Variants in ZBTB16 observed in about 807,000 individuals in gnomAD.
The protein encoded by ZBTB16 is zinc finger and BTB domain-containing protein 16.
A neutral mutation model predicts 56.8 loss-of-function variants in ZBTB16; 8 were observed. The observed-to-expected ratio is 0.14, with a 90% CI of 0.08 to 0.25. The LOEUF is 0.25. ZBTB16 is among the 10% of genes least tolerant of loss of function. The pLI is 1.00. For missense variants in ZBTB16, 625 were observed against 903.0 expected, an observed-to-expected ratio of 0.69 and a Z score of 3.95; for synonymous variants, 363 against 368.5, an observed-to-expected ratio of 0.98 and a Z score of 0.17.
At chr11:114,068,181 A>G (rs1939195181) in intron 2 of ZBTB16, among the ~76,000 whole-genome samples, 3 of 152,116 alleles carry the variant, frequency 2.0e-5, no homozygotes, top group Non-Finnish European at 2.9e-5. Context: ...TTTTAAGTCA[A>G]TAGGCCTGAG....
intron 2 of ZBTB16, among the ~76,000 whole-genome samples, chr11:114,109,711 G>A (rs1219035681): frequency 6.6e-6 from 1 of 152,120 alleles, no homozygotes; most frequent in Non-Finnish European, 1.5e-5. Context: ...GAGAGATTTA[G>A]GGATTGAACT....
chr11:114,064,677 A>G lies in ZBTB16; in HGVS notation c.1268+109A>G, dbSNP rs1939046509. ...GGGGCCTGGCTCCCCTGTCTTGGCAATTTGTGAAAAAACCAGAACACTTCT... is the reference window on the plus strand; with the variant it reads ...GGGGCCTGGCTCCCCTGTCTTGGCAGTTTGTGAAAAAACCAGAACACTTCT... On this transcript the variant is annotated intron_variant, in intron 2 of 6. Coordinates refer to ENST00000335953, the MANE Select transcript of ZBTB16 (RefSeq NM_006006.6). This position sits in a 1 kb window ranked among gnomAD's most constrained non-coding sequence, Gnocchi z 4.2. 2.1e-6 allele frequency: 3 copies of G among 1,419,350 alleles called. No individual in the cohort carries two copies. In the East Asian group the frequency reaches 7.4e-5, roughly 35 times the overall value. The allele number at this position is 1,419,350 out of a possible 1,614,324, so 87.9% of individuals were successfully genotyped here.
At position 114,244,623 on chromosome 11, in the gene ZBTB16, TTTTC is replaced by T. The variant is rs1234396809; in HGVS notation, c.1624+2294_1624+2297del. Among the ~76,000 whole-genome samples, 70 of 152,084 alleles carry T rather than the reference TTTTC, an allele frequency of 4.6e-4. 1 individual carries two copies. Among genetic ancestry groups the T allele is most frequent in the Admixed American group, 2.2e-3 (34 of 15,284 alleles). On this transcript the variant is annotated intron_variant, in intron 5 of 6. Transcript: ENST00000335953. ...TGGGGATACGTGTGTGTTGGTGACT[TTTTC>T]TTTCTTTTTTTTTTGTTGTTGTTTG...
At chr11:114,082,529 G>A (rs1050678829) in intron 2 of ZBTB16, among the ~76,000 whole-genome samples, 4 of 152,198 alleles carry the variant, frequency 2.6e-5, no homozygotes, top group Non-Finnish European at 4.4e-5. Flanking sequence ...GGAGAGTGAC[G>A]TGACTGGAGT....
Position 114,250,486 on chromosome 11 carries a change from C to T in ZBTB16, c.1953C>T (p.Gly651=), listed in dbSNP as rs751908427. ...CCTCCATGCAGAAGCACATGAAGGG[C>T]CACAAGCCCGAGGAGATCCCGCCCG... ...SLSSMQKHMK[G]HKPEEIPPDW... is the part of the protein sequence containing the mutation. Residue 651 remains glycine (G), a synonymous_variant, in exon 7 of 7, where the codon GGC becomes GGT. Transcript: ENST00000335953. The surrounding 1 kb of genome is among the most constrained non-coding windows in gnomAD (Gnocchi z 6.0). The T allele has an allele frequency of 1.7e-5, 28 of 1,614,152 alleles. No individual in the cohort carries two copies. The highest frequency in any genetic ancestry group is 2.7e-5 in the African/African-American group (2 of 75,036).
intron 2 of ZBTB16, among the ~76,000 whole-genome samples, chr11:114,155,538 C>T (rs1264327615): frequency 1.3e-5 from 2 of 152,132 alleles, no homozygotes; most frequent in Non-Finnish European, 2.9e-5. Context: ...CCTTGGTCTT[C>T]CCAGGGGTGA....
intron 4 of ZBTB16, among the ~76,000 whole-genome samples, chr11:114,207,590 A>AAGACACAC (rs1555155512): frequency 2.1e-5 from 3 of 143,722 alleles, no homozygotes; most frequent in Admixed American, 7.0e-5. Flanking sequence ...ACACACACAC[A>AAGACACAC]ACACACACAC....
At chr11:114,075,041 A>G (rs1939495579) in intron 2 of ZBTB16, among the ~76,000 whole-genome samples, 1 of 152,142 alleles carries the variant, frequency 6.6e-6, no homozygotes, top group South Asian at 2.1e-4. Context: ...GTCAAGGGGA[A>G]GGAGAGACCC....
chr11:114,172,518 T>C (rs2135015203), intron 3 of ZBTB16, among the ~76,000 whole-genome samples: 1 of 152,334 alleles, frequency 6.6e-6, no homozygotes, highest in East Asian at 1.9e-4. Flanking sequence ...AGAGCTGCGC[T>C]GTGACCCCAG....
chr11:114,070,918 G>C (rs1186956407), intron 2 of ZBTB16, among the ~76,000 whole-genome samples: 1 of 152,208 alleles, frequency 6.6e-6, no homozygotes, highest in Non-Finnish European at 1.5e-5. Flanking sequence ...TTTGGAGAGA[G>C]GTTGTTGGTT....
chr11:114,081,291 A>G (rs1282520245), intron 2 of ZBTB16, among the ~76,000 whole-genome samples: 4 of 152,234 alleles, frequency 2.6e-5, no homozygotes, highest in Non-Finnish European at 5.9e-5. Flanking sequence ...AGACTAATGT[A>G]CATCAACTCC....
rs745895999 is a variant in ZBTB16, at chr11:114,095,245, C to CT, written c.1268+30703dup. Among the ~76,000 whole-genome samples the CT allele has an allele frequency of 5.0e-4, 45 of 90,470 alleles. 3 individuals are homozygous for CT. The highest frequency in any genetic ancestry group is 2.0e-3 in the African/African-American group (33 of 16,146). The allele number at this position is 90,470 out of a possible 152,430, so 59.4% of individuals were successfully genotyped here. On this transcript the variant is annotated intron_variant, in intron 2 of 6. Transcript: ENST00000335953. ...TAACCAATTTCTTTTCTTTTCTTTT[C>CT]TTTTTTTTTTTTTTTTTTTTTTTTT...
intron 4 of ZBTB16, among the ~76,000 whole-genome samples, chr11:114,235,398 A>G (rs1014058782): frequency 1.2e-4 from 18 of 152,240 alleles, no homozygotes; most frequent in African/African-American, 4.1e-4. Context: ...TAGCACCTGA[A>G]CATCTTCTCC....
chr11:114,085,530 C>T (rs1050266797), intron 2 of ZBTB16, among the ~76,000 whole-genome samples: 1 of 151,880 alleles, frequency 6.6e-6, no homozygotes. Flanking sequence ...ATATATATAT[C>T]AGACTGTATG....
intron 4 of ZBTB16, chr11:114,209,529 C>CCT (rs753310105): frequency 3.6e-5 from 35 of 985,254 alleles, no homozygotes; most frequent in Admixed American, 3.1e-4. Flanking sequence ...TCCCTCCTGG[C>CCT]CTCTGACCCT....
intron 2 of ZBTB16, among the ~76,000 whole-genome samples, chr11:114,083,824 G>C (rs895374822): frequency 1.3e-5 from 2 of 152,054 alleles, no homozygotes; most frequent in Non-Finnish European, 2.9e-5. Context: ...ATTCTGCTCT[G>C]TGGGTGATAC....
chr11:114,175,678 G>A (rs867732793), intron 3 of ZBTB16, among the ~76,000 whole-genome samples: 113 of 152,164 alleles, frequency 7.4e-4, no homozygotes, highest in African/African-American at 2.5e-3. Flanking sequence ...GAGAGGACTC[G>A]GCATTCTCTT....
In ZBTB16 at chr11:114,063,944, A is replaced by C; in HGVS notation, c.644A>C (p.Gln215Pro). 2.5e-6 allele frequency: 4 copies of C among 1,613,842 alleles called. No individual in the cohort carries two copies. Among genetic ancestry groups the C allele is most frequent in the Non-Finnish European group, 3.4e-6 (4 of 1,180,008 alleles). ...ATGACCATAGGACAGTCTCTCCTGC[A>C]GGGAACTCTTCAGCCACCTGCAGGG... is the stretch of plus-strand genomic sequence containing the variant. ...SLMTIGQSLL[Q>P]GTLQPPAGPE... Residue 215 changes from glutamine (Q) to proline (P), a missense_variant, in exon 2 of 7, where the codon CAG (glutamine) becomes CCG (proline). Physicochemically the swap from Gln to Pro is moderately conservative, Grantham distance 76 (BLOSUM62 -1). Around this residue, in one of 6 missense-constraint regions of ZBTB16, gnomAD observed 384 missense variants for 393.5 expected, o/e 0.98. Coordinates refer to ENST00000335953, the MANE Select transcript of ZBTB16 (RefSeq NM_006006.6). This position sits in a 1 kb window ranked among gnomAD's most constrained non-coding sequence, Gnocchi z 6.5.
intron 3 of ZBTB16, among the ~76,000 whole-genome samples, chr11:114,163,588 A>G (rs1204259453): frequency 6.6e-6 from 1 of 152,024 alleles, no homozygotes. Context: ...AGGCCAGCTG[A>G]ACCGAGAAAG....
Sources: allele counts gnomAD v4.1 joint callset (sites outside exome capture counted in the v4.1 genomes callset), GRCh38; gene constraint gnomAD v4.1.1; regional missense constraint gnomAD v4.1.1; non-coding constraint Gnocchi (gnomAD v3.1); transcripts MANE v1.5; gene names NCBI Gene and HGNC (gene_info 2026-07-23, HGNC 2026-07-21).